Variants in AGTPBP1 observed in about 807,000 individuals in gnomAD.
AGTPBP1 encodes the protein cytosolic carboxypeptidase 1.
In AGTPBP1, 70 loss-of-function variants were observed where a neutral mutation model predicts 143.9. The ratio of observed to expected loss-of-function variants is 0.49; its 90% CI spans 0.40 to 0.59. The LOEUF (loss-of-function observed/expected upper bound fraction) is 0.59, where lower values mean the gene tolerates loss of function less well. Ranked by LOEUF, AGTPBP1 falls within the 20% of genes least tolerant of loss-of-function variation. AGTPBP1 has a pLI of 0.00. For missense variants in AGTPBP1, 1,229 were observed against 1,464.5 expected, an observed-to-expected ratio of 0.84 and a Z score of 2.62; for synonymous variants, 463 against 500.2, an observed-to-expected ratio of 0.93 and a Z score of 0.99.
chr9:85,715,978 G>A (rs907455235), intron 1 of AGTPBP1, among the ~76,000 whole-genome samples: 2 of 151,984 alleles, frequency 1.3e-5, no homozygotes, highest in African/African-American at 4.8e-5. Context: ...TGTGTCTTAG[G>A]AAAAAAACTT....
chr9:85,596,334 A>G (rs2133274283), intron 18 of AGTPBP1, 28 bp downstream of exon 18: 2 of 1,473,988 alleles, frequency 1.4e-6, no homozygotes, highest in Non-Finnish European at 1.9e-6. Flanking sequence ...GTAAGCTGAC[A>G]TTCTATTAAT....
the AGTPBP1 span, among the ~76,000 whole-genome samples, chr9:85,765,839 T>C: frequency 6.6e-6 from 1 of 152,176 alleles, no homozygotes; most frequent in East Asian, 1.9e-4. Flanking sequence ...TAACATTAGA[T>C]TGTTGCTCAT....
the AGTPBP1 span, among the ~76,000 whole-genome samples, chr9:85,799,816 T>C: frequency 6.6e-6 from 1 of 152,048 alleles, no homozygotes; most frequent in African/African-American, 2.4e-5. Context: ...GTGCGCCCAG[T>C]CAAAATTTTT....
chr9:85,586,986 G>A (rs745416854), intron 21 of AGTPBP1, 26 bp from the exon 22 acceptor site: 19 of 1,612,250 alleles, frequency 1.2e-5, no homozygotes, highest in Non-Finnish European at 1.5e-5. Context: ...CACAAAGACA[G>A]AAAAACACTG....
chr9:85,667,429 G>A (rs1342710130), intron 8 of AGTPBP1, among the ~76,000 whole-genome samples: 6 of 151,720 alleles, frequency 4.0e-5, no homozygotes, highest in African/African-American at 1.5e-4. Context: ...AATAAACACA[G>A]GAAAAAAATA....
At chr9:85,585,314 A>T (rs1434751957) in intron 23 of AGTPBP1, 149 bp downstream of exon 23, 7 of 756,414 alleles carry the variant, frequency 9.3e-6, no homozygotes, top group Non-Finnish European at 1.3e-5. Context: ...TGAAAAATAT[A>T]AACATGAAAA....
chr9:85,803,233 A>G, the AGTPBP1 span, among the ~76,000 whole-genome samples: 1 of 152,200 alleles, frequency 6.6e-6, no homozygotes, highest in Non-Finnish European at 1.5e-5. Flanking sequence ...ATGTGGTCTT[A>G]AAGACCCTAC....
chr9:85,599,807 A>C (rs1829548665), intron 17 of AGTPBP1, among the ~76,000 whole-genome samples: 1 of 152,232 alleles, frequency 6.6e-6, no homozygotes, highest in Admixed American at 6.5e-5. Context: ...AGACATTTGG[A>C]TGTCCACTGG....
At chr9:85,601,658 TCAGGAGCCAAAGGACCCA>T (rs1395896005) in intron 17 of AGTPBP1, among the ~76,000 whole-genome samples, 1 of 152,100 alleles carries the variant, frequency 6.6e-6, no homozygotes, top group African/African-American at 2.4e-5. Context: ...TGCCTGCTGC[TCAGGAGCCAAAGGACCCA>T]CCCACCTATC....
At chr9:85,680,975 G>C (rs1310494568) in intron 4 of AGTPBP1, among the ~76,000 whole-genome samples, 1 of 152,020 alleles carries the variant, frequency 6.6e-6, no homozygotes, top group Admixed American at 6.6e-5. Context: ...TGGCATGTTA[G>C]GATTACAATT....
intron 22 of AGTPBP1, among the ~76,000 whole-genome samples, chr9:85,585,967 C>G (rs11141025): frequency 0.19 from 29,217 of 152,174 alleles, 3,636 homozygotes; most frequent in South Asian, 0.34. Flanking sequence ...AATCCCAGCA[C>G]TTTGGGAAGC....
At chr9:85,620,836 G>C (rs866419621) in intron 15 of AGTPBP1, among the ~76,000 whole-genome samples, 3 of 152,090 alleles carry the variant, frequency 2.0e-5, no homozygotes, top group Non-Finnish European at 2.9e-5. Flanking sequence ...TGAAATGAAG[G>C]CTCAGTATTG....
At chr9:85,747,035 T>G in the AGTPBP1 span, among the ~76,000 whole-genome samples, 10 of 152,196 alleles carry the variant, frequency 6.6e-5, no homozygotes, top group East Asian at 1.9e-3. Context: ...TTTTTTCTAC[T>G]TTTTATAGAC....
At chr9:85,691,121 T>C (rs188358958) in intron 3 of AGTPBP1, among the ~76,000 whole-genome samples, 1 of 152,312 alleles carries the variant, frequency 6.6e-6, no homozygotes, top group African/African-American at 2.4e-5. Flanking sequence ...TTTGCACTGA[T>C]ATAACGAACA....
rs1382610565 is a variant in AGTPBP1 at position 85,741,924 on chromosome 9, T to G, written c.-183A>C. ...AGGCGGAGGCGGCGGCGGCGGCAGC[T>G]GCGGCGGCGGCGCTGGAGGCGGCGG... On this transcript the variant is annotated 5_prime_UTR_variant, in exon 1 of 26. Coordinates refer to ENST00000357081, the MANE Select transcript of AGTPBP1 (RefSeq NM_001330701.2). 4.6e-6 allele frequency: 6 copies of G among 1,311,342 alleles called. No individual in the cohort carries two copies. The East Asian group carries it at 1.3e-4, about 27-fold the overall frequency. The allele number at this position is 1,311,342 out of a possible 1,614,324, so 81.2% of individuals were successfully genotyped here. A position where few individuals can be genotyped will look rare whatever the true frequency, so the allele number is the denominator to read the frequency against.
chr9:85,614,051 G>T (rs1044111447), intron 17 of AGTPBP1, among the ~76,000 whole-genome samples: 33 of 151,924 alleles, frequency 2.2e-4, no homozygotes, highest in African/African-American at 7.5e-4. Context: ...TTTAAAAAAA[G>T]AAATTCTTTA....
chr9:85,649,737 A>G (rs1008808662), intron 11 of AGTPBP1, among the ~76,000 whole-genome samples: 1 of 152,164 alleles, frequency 6.6e-6, no homozygotes, highest in Admixed American at 6.5e-5. Flanking sequence ...AAATTTTTCT[A>G]CACTGATATG....
the AGTPBP1 span, among the ~76,000 whole-genome samples, chr9:85,750,658 A>G: frequency 2.1e-4 from 32 of 152,146 alleles, no homozygotes; most frequent in African/African-American, 5.3e-4. Flanking sequence ...CTTTTATCCT[A>G]TGCCTTGGAG....
At chr9:85,561,789 G>A (rs1826746217) in intron 25 of AGTPBP1, among the ~76,000 whole-genome samples, 1 of 150,362 alleles carries the variant, frequency 6.7e-6, no homozygotes, top group East Asian at 1.9e-4. Flanking sequence ...GACTTCAAAT[G>A]TTATAAGAAT....
Sources: allele counts gnomAD v4.1 joint callset (sites outside exome capture counted in the v4.1 genomes callset), GRCh38; gene constraint gnomAD v4.1.1; transcripts MANE v1.5; gene names NCBI Gene and HGNC (gene_info 2026-07-23, HGNC 2026-07-21).